The following AGBL4 variants were observed in gnomAD, a reference collection of about 807,000 sequenced individuals.
The protein encoded by AGBL4 is cytosolic carboxypeptidase 6.
Under a neutral mutation model 66.4 loss-of-function variants are expected in AGBL4, and 58 were observed. That is an observed-to-expected ratio of 0.87 (90% CI 0.71 to 1.09). The LOEUF (loss-of-function observed/expected upper bound fraction) is 1.09, where lower values mean the gene tolerates loss of function less well. Among genes scored for constraint, AGBL4 ranks in the 50% least tolerant of loss-of-function variants. The pLI, the probability that AGBL4 is intolerant of heterozygous loss-of-function variation, is 0.00. For missense variants in AGBL4, 579 were observed against 631.0 expected (o/e 0.92, Z 0.88); for synonymous variants, 234 against 222.9 (o/e 1.05, Z -0.44).
intron 5 of AGBL4, among the ~76,000 whole-genome samples, chr1:49,033,118 A>G (rs1314081933): frequency 6.6e-6 from 1 of 152,118 alleles, no homozygotes; most frequent in Non-Finnish European, 1.5e-5. Flanking sequence ...ACCCTCAGCT[A>G]GATACTGAGA....
chr1:49,562,712 C>G (rs1383964562), intron 3 of AGBL4, among the ~76,000 whole-genome samples: 1 of 151,994 alleles, frequency 6.6e-6, no homozygotes, highest in Non-Finnish European at 1.5e-5. Context: ...GTTACTGTGG[C>G]CTTGTAGTAT....
At chr1:49,449,828 C>T (rs1288747930) in intron 3 of AGBL4, among the ~76,000 whole-genome samples, 1 of 152,026 alleles carries the variant, frequency 6.6e-6, no homozygotes, top group Non-Finnish European at 1.5e-5. Flanking sequence ...CAGCTTCATC[C>T]TCATTATTCA....
chr1:48,772,846 G>A (rs1570622584), intron 6 of AGBL4, among the ~76,000 whole-genome samples: 1 of 152,136 alleles, frequency 6.6e-6, no homozygotes, highest in Non-Finnish European at 1.5e-5. Flanking sequence ...AAACTGCAAA[G>A]CCCACCTTGA....
At chr1:49,995,322 G>C (rs972922507) in intron 1 of AGBL4, 3 of 453,776 alleles carry the variant, frequency 6.6e-6, no homozygotes, top group Non-Finnish European at 1.3e-5. Flanking sequence ...CACAGTGAAA[G>C]TGAGACCAGC....
chr1:48,837,663 AACACACACACAC>A (rs58493461), intron 6 of AGBL4, among the ~76,000 whole-genome samples: 1 of 121,320 alleles, frequency 8.2e-6, no homozygotes, highest in Non-Finnish European at 1.7e-5. Flanking sequence ...TTACTTAATG[AACACACACACAC>A]ACACACACAC....
At chr1:49,516,462 A>C (rs1434214618) in intron 3 of AGBL4, among the ~76,000 whole-genome samples, 3 of 152,096 alleles carry the variant, frequency 2.0e-5, no homozygotes, top group Non-Finnish European at 4.4e-5. Context: ...TAGCAAAGAA[A>C]CAGAGGAAAG....
At chr1:48,594,142 A>G (rs980327492) in intron 9 of AGBL4, among the ~76,000 whole-genome samples, 3 of 152,116 alleles carry the variant, frequency 2.0e-5, no homozygotes, top group Non-Finnish European at 4.4e-5. Context: ...CCTAGCCAAC[A>G]TGGTGAAACA....
At chr1:49,481,565 C>T (rs1228369412) in intron 3 of AGBL4, among the ~76,000 whole-genome samples, 1 of 152,046 alleles carries the variant, frequency 6.6e-6, no homozygotes. Flanking sequence ...ATCATGTCAT[C>T]TGCAAACAAA....
intron 6 of AGBL4, among the ~76,000 whole-genome samples, chr1:48,790,710 A>G (rs1645529317): frequency 6.6e-6 from 1 of 152,138 alleles, no homozygotes; most frequent in African/African-American, 2.4e-5. Context: ...AGGTGATTAG[A>G]TCATAAGGGT....
At chr1:49,153,491 A>G (rs1489108800) in intron 4 of AGBL4, among the ~76,000 whole-genome samples, 2 of 152,198 alleles carry the variant, frequency 1.3e-5, no homozygotes, top group Non-Finnish European at 2.9e-5. Context: ...AACAAAAGGA[A>G]AAGAGAGAAT....
intron 5 of AGBL4, among the ~76,000 whole-genome samples, chr1:48,869,639 C>A (rs547803351): frequency 2.0e-5 from 3 of 152,126 alleles, no homozygotes; most frequent in African/African-American, 7.2e-5. Context: ...TCAAACTTGG[C>A]AACTCTAAAA....
chr1:49,834,156 T>C (rs1297377025), intron 2 of AGBL4, among the ~76,000 whole-genome samples: 1 of 152,204 alleles, frequency 6.6e-6, no homozygotes, highest in Non-Finnish European at 1.5e-5. Context: ...TCAGAAGGAA[T>C]GGTACCAGCT....
chr1:49,861,614 T>C (rs1378046845), intron 1 of AGBL4, among the ~76,000 whole-genome samples: 1 of 152,124 alleles, frequency 6.6e-6, no homozygotes, highest in African/African-American at 2.4e-5. Flanking sequence ...CTGATAGAAT[T>C]CTGAATTCCT....
chr1:49,164,686 C>T (rs1351950841), intron 4 of AGBL4, among the ~76,000 whole-genome samples: 1 of 152,100 alleles, frequency 6.6e-6, no homozygotes, highest in Admixed American at 6.6e-5. Context: ...GTCACTTAAC[C>T]TTCCTGGGAT....
chr1:49,250,883 T>C (rs775851129), intron 3 of AGBL4, among the ~76,000 whole-genome samples: 1 of 152,082 alleles, frequency 6.6e-6, no homozygotes, highest in Non-Finnish European at 1.5e-5. Flanking sequence ...TGAGAAGTGG[T>C]AGAAGTAGCA....
intron 2 of AGBL4, among the ~76,000 whole-genome samples, chr1:49,769,365 A>G (rs1643987617): frequency 6.6e-6 from 1 of 152,202 alleles, no homozygotes; most frequent in Admixed American, 6.5e-5. Flanking sequence ...TGTAAGAATC[A>G]AAATCTCTAA....
chr1:49,454,429 G>A (rs886128031), intron 3 of AGBL4, among the ~76,000 whole-genome samples: 2 of 151,706 alleles, frequency 1.3e-5, no homozygotes, highest in African/African-American at 4.8e-5. Flanking sequence ...AAGATAACCA[G>A]GCAGAGGCTG....
At chr1:48,991,088 AT>A (rs1308919647) in intron 5 of AGBL4, among the ~76,000 whole-genome samples, 6 of 152,176 alleles carry the variant, frequency 3.9e-5, no homozygotes, top group Non-Finnish European at 8.8e-5. Context: ...ATGATTTCTT[AT>A]TGTTTATTAA....
At chr1:49,331,913 T>C (rs539750648) in intron 3 of AGBL4, among the ~76,000 whole-genome samples, 2 of 152,150 alleles carry the variant, frequency 1.3e-5, no homozygotes, top group East Asian at 3.9e-4. Context: ...CTCTGATCTC[T>C]CCCTGGGAAG....
Sources: allele counts gnomAD v4.1 joint callset (sites outside exome capture counted in the v4.1 genomes callset), GRCh38; gene constraint gnomAD v4.1.1; transcripts MANE v1.5; gene names NCBI Gene and HGNC (gene_info 2026-07-23, HGNC 2026-07-21).